CCDC178: variants seen among roughly 807,000 people sequenced by gnomAD.
CCDC178 encodes coiled-coil domain containing 178, also known as coiled-coil domain-containing protein 178.
Under a neutral mutation model 117.4 loss-of-function variants are expected in CCDC178, and 126 were observed. The observed-to-expected ratio is 1.07, with a 90% CI of 0.93 to 1.24. The LOEUF (loss-of-function observed/expected upper bound fraction) is 1.24. Among genes scored for constraint, CCDC178 ranks in the 50% most tolerant of loss-of-function variants. The probability of loss-of-function intolerance (pLI) is 0.00; values close to 1 mark genes in which losing one functional copy is unlikely to be tolerated. For synonymous variants in CCDC178, 283 were observed against 313.4 expected (o/e 0.90, Z 1.02); for missense variants, 1,030 against 986.9 (o/e 1.04, Z -0.59).
Position 33,333,243 on chromosome 18 carries a change from G to A in CCDC178, c.810C>T (p.Gly270=), listed in dbSNP as rs1019048073. The change falls in exon 10 of 23, where the codon GGC becomes GGT. Residue 270 remains glycine (G), a synonymous_variant. Transcript: ENST00000383096. ...GATTCTGCTTAGAGTCCAGTAGAGG[G>A]CCATGTTCATTCATGTAGTCTATGT... is the stretch of plus-strand genomic sequence containing the variant. ...QADIDYMNEH[G]PLLDSKQNQE... The A allele has an allele frequency of 6.2e-7, 1 of 1,612,778 alleles. No individual in the cohort carries two copies. Among genetic ancestry groups the A allele is most frequent in the African/African-American group, 1.3e-5 (1 of 74,930 alleles).
chr18:33,333,145 A>G, intron 10 of CCDC178, 29 bp downstream of exon 10: 1 of 1,344,102 alleles, frequency 7.4e-7, no homozygotes. Flanking sequence ...GTAATAATTT[A>G]TGAAATGCTC....
chr18:33,407,938 A>G (rs909176843), intron 3 of CCDC178, among the ~76,000 whole-genome samples: 23 of 152,024 alleles, frequency 1.5e-4, no homozygotes, highest in African/African-American at 4.6e-4. Flanking sequence ...CCTCATTACC[A>G]AAACAAGAAA....
intron 11 of CCDC178, among the ~76,000 whole-genome samples, chr18:33,299,830 A>G (rs1390442762): frequency 6.6e-6 from 1 of 152,072 alleles, no homozygotes; most frequent in African/African-American, 2.4e-5. Flanking sequence ...TAACCTTAAC[A>G]GATATTTCTC....
At chr18:33,192,568 C>A (rs556930275) in intron 20 of CCDC178, among the ~76,000 whole-genome samples, 11 of 152,300 alleles carry the variant, frequency 7.2e-5, no homozygotes, top group Admixed American at 5.9e-4. Context: ...CAGAGGCAGG[C>A]TTTCCAACAG....
chr18:32,956,581 T>A (rs1467679173), intron 22 of CCDC178: 1 of 152,236 alleles, frequency 6.6e-6, no homozygotes, highest in Non-Finnish European at 1.5e-5. Context: ...ACTTACACTA[T>A]TTGAGTTAAT....
intron 20 of CCDC178, among the ~76,000 whole-genome samples, chr18:33,172,673 T>C (rs271466): frequency 0.16 from 24,510 of 152,046 alleles, 2,768 homozygotes; most frequent in African/African-American, 0.32. Flanking sequence ...TTATTATGCT[T>C]ATCTTCGTTC....
intron 21 of CCDC178, among the ~76,000 whole-genome samples, chr18:33,004,807 C>T (rs2055715113): frequency 6.6e-6 from 1 of 151,974 alleles, no homozygotes; most frequent in Admixed American, 6.6e-5. Flanking sequence ...AGCAAAAGAT[C>T]TGAATAGGCA....
intron 22 of CCDC178, among the ~76,000 whole-genome samples, chr18:32,946,723 G>GTTTT (rs34352899): frequency 7.3e-6 from 1 of 137,134 alleles, no homozygotes; most frequent in Non-Finnish European, 1.5e-5. Context: ...GGTTTTTTGG[G>GTTTT]TTTTTTTTTT....
intron 8 of CCDC178, among the ~76,000 whole-genome samples, chr18:33,347,894 T>C (rs1384756368): frequency 6.6e-6 from 1 of 151,994 alleles, no homozygotes; most frequent in Non-Finnish European, 1.5e-5. Flanking sequence ...GTTTTGCAGT[T>C]TCATATTACT....
At position 33,108,972 on chromosome 18, in the gene CCDC178, C is replaced by T. The variant is rs1047984791; in HGVS notation, c.2239-16062G>A. 2.6e-5 allele frequency among the ~76,000 whole-genome samples: 4 copies of T among 151,556 alleles called. No homozygotes were observed. In the Admixed American group the frequency reaches 2.6e-4, roughly 10 times the overall value. The stretch of plus-strand genomic sequence containing the variant: ...TCTTGCTTCTTCCTTCTTGTCGCTC[C>T]AGGTCTATTTCTGCATGTTTATTTT... On this transcript the variant is annotated intron_variant, in intron 20 of 22. Transcript: ENST00000383096.
intron 21 of CCDC178, chr18:32,983,255 T>C: frequency 7.6e-7 from 1 of 1,323,220 alleles, no homozygotes; most frequent in Non-Finnish European, 1.0e-6. Context: ...TGCACGTGTA[T>C]GCATGGATTA....
chr18:33,334,316 CA>C (rs2062711213), intron 9 of CCDC178, among the ~76,000 whole-genome samples: 1 of 151,974 alleles, frequency 6.6e-6, no homozygotes, highest in Admixed American at 6.6e-5. Flanking sequence ...AGCATGCTAT[CA>C]AACAACACAA....
At chr18:33,016,894 G>A (rs896727580) in intron 21 of CCDC178, among the ~76,000 whole-genome samples, 1 of 151,892 alleles carries the variant, frequency 6.6e-6, no homozygotes, top group African/African-American at 2.4e-5. Context: ...AATGACAGAT[G>A]CAGAAAAAAC....
rs538669002 is a variant in CCDC178 at position 32,989,939 on chromosome 18, G to A, written c.2389-15258C>T. 2.6e-5 allele frequency among the ~76,000 whole-genome samples: 4 copies of A among 152,198 alleles called. No homozygotes were observed. In the South Asian group the frequency reaches 8.3e-4, roughly 32 times the overall value. Reference sequence around the variant, plus strand: ...GAAATAATGAGAAACTTTTGACAAAGGCTGCATGTAAGATTGATATTTAGA... The same window carrying A: ...GAAATAATGAGAAACTTTTGACAAAAGCTGCATGTAAGATTGATATTTAGA... On this transcript the variant is annotated intron_variant, in intron 21 of 22. Transcript: ENST00000383096.
At chr18:33,278,128 C>G (rs1002349378) in intron 12 of CCDC178, among the ~76,000 whole-genome samples, 89 of 151,888 alleles carry the variant, frequency 5.9e-4, no homozygotes, top group African/African-American at 2.1e-3. Context: ...ACAGATGAAA[C>G]TATATAGGTT....
chr18:33,220,523 C>T (rs1185323893), intron 18 of CCDC178, among the ~76,000 whole-genome samples: 1 of 152,024 alleles, frequency 6.6e-6, no homozygotes, highest in African/African-American at 2.4e-5. Flanking sequence ...TAGGTATTGG[C>T]ATGCATGAGT....
intron 21 of CCDC178, among the ~76,000 whole-genome samples, chr18:33,071,867 C>T (rs1168974008): frequency 6.6e-6 from 1 of 152,052 alleles, no homozygotes; most frequent in Non-Finnish European, 1.5e-5. Context: ...TGCTCATCAA[C>T]TCTCTAGGTA....
At chr18:33,111,396 C>G (rs1465511648) in intron 20 of CCDC178, among the ~76,000 whole-genome samples, 1 of 151,498 alleles carries the variant, frequency 6.6e-6, no homozygotes, top group Non-Finnish European at 1.5e-5. Context: ...TTCCAGTTTG[C>G]TGAAAATATC....
chr18:33,080,199 C>G (rs1387877434), intron 21 of CCDC178, among the ~76,000 whole-genome samples: 1 of 152,076 alleles, frequency 6.6e-6, no homozygotes, highest in African/African-American at 2.4e-5. Context: ...CACATGCTCT[C>G]ACTTATAAGT....
Sources: gnomAD v4.1 joint callset for allele counts (sites outside exome capture counted in the v4.1 genomes callset) on GRCh38, gnomAD v4.1.1 for gene constraint, MANE v1.5 for transcripts, NCBI Gene and HGNC (gene_info 2026-07-23, HGNC 2026-07-21) for gene names.